Variants in SHROOM3 observed in about 807,000 individuals in gnomAD.
The protein encoded by SHROOM3 is protein Shroom3.
A neutral mutation model predicts 138.6 loss-of-function variants in SHROOM3; 47 were observed. The observed-to-expected ratio is 0.34, with a 90% CI of 0.27 to 0.43. SHROOM3 has a LOEUF of 0.43. SHROOM3 is among the 20% of genes least tolerant of loss of function. The pLI is 1.00. For missense variants in SHROOM3, 2,491 were observed against 2,596.5 expected, an observed-to-expected ratio of 0.96 and a Z score of 0.88; for synonymous variants, 1,062 against 1,063.3, an observed-to-expected ratio of 1.00 and a Z score of 0.02.
In SHROOM3 at chr4:76,457,524, G is replaced by T. The variant is rs538548533; in HGVS notation, c.168+21304G>T. Among the ~76,000 whole-genome samples the T allele has an allele frequency of 2.7e-5, 4 of 148,314 alleles. No homozygotes were observed. The Admixed American group carries it at 2.7e-4, about 10-fold the overall frequency. ...TTTTTTTTTTTTGAGATGGAGTCTC[G>T]CTCTGTCTCCAGGCTGGAGAGCAGT... On this transcript the variant is annotated intron_variant, in intron 1 of 10. Transcript: ENST00000296043.
chr4:76,583,211 A>G (rs972097539), intron 2 of SHROOM3, among the ~76,000 whole-genome samples: 1 of 152,152 alleles, frequency 6.6e-6, no homozygotes, highest in Non-Finnish European at 1.5e-5. Flanking sequence ...TCCAGTGTAA[A>G]GAACATCCTA....
intron 1 of SHROOM3, among the ~76,000 whole-genome samples, chr4:76,473,220 T>C (rs1463727237): frequency 6.6e-6 from 1 of 152,188 alleles, no homozygotes; most frequent in Non-Finnish European, 1.5e-5. Flanking sequence ...ATTGAGAAAG[T>C]AAAAATATAA....
rs577095421 is a variant in SHROOM3 at position 76,749,817 on chromosome 4, A to G, written c.3827+727A>G. On this transcript the variant is annotated intron_variant, in intron 6 of 10. Coordinates refer to ENST00000296043, the MANE Select transcript of SHROOM3 (RefSeq NM_020859.4). The stretch of plus-strand genomic sequence containing the variant: ...TTTTGAACTGTTCACATGGGACTTA[A>G]TAAGTAGAAATTTTCAGAAAGGGTA... 3.3e-5 allele frequency among the ~76,000 whole-genome samples: 5 copies of G among 152,362 alleles called. No homozygotes were observed. In the South Asian group the frequency reaches 1.0e-3, roughly 32 times the overall value.
chr4:76,520,044 T>C (rs767551540), intron 1 of SHROOM3, among the ~76,000 whole-genome samples: 3 of 152,190 alleles, frequency 2.0e-5, no homozygotes, highest in Non-Finnish European at 2.9e-5. Flanking sequence ...AGCTAATCCT[T>C]ACAACCCAAA....
At chr4:76,651,592 A>T (rs1318664806) in intron 2 of SHROOM3, among the ~76,000 whole-genome samples, 2 of 151,868 alleles carry the variant, frequency 1.3e-5, no homozygotes, top group Non-Finnish European at 2.9e-5. Flanking sequence ...TTGGATATCA[A>T]TGGCTAATGT....
intron 2 of SHROOM3, among the ~76,000 whole-genome samples, chr4:76,647,030 A>C (rs1735836981): frequency 1.3e-5 from 2 of 152,232 alleles, no homozygotes; most frequent in Admixed American, 6.5e-5. Context: ...TCAGCGGGCA[A>C]AAGGATAAAG....
chr4:76,569,138 A>T (rs1275075129), intron 2 of SHROOM3, among the ~76,000 whole-genome samples: 1 of 152,190 alleles, frequency 6.6e-6, no homozygotes, highest in East Asian at 1.9e-4. Flanking sequence ...AGTTTTCCAT[A>T]CTGTTAGCTG....
intron 1 of SHROOM3, among the ~76,000 whole-genome samples, chr4:76,541,040 A>G (rs1733086882): frequency 1.3e-5 from 2 of 152,174 alleles, no homozygotes; most frequent in African/African-American, 2.4e-5. Context: ...TTTATTTTCT[A>G]AAGACTCAGT....
intron 9 of SHROOM3, among the ~76,000 whole-genome samples, chr4:76,761,099 C>T (rs957335644): frequency 1.3e-5 from 2 of 151,898 alleles, no homozygotes; most frequent in Admixed American, 6.6e-5. Flanking sequence ...ATTGCATGAT[C>T]CTGAGGCTTG....
chr4:76,768,138 GA>G (rs1217047517), intron 9 of SHROOM3, among the ~76,000 whole-genome samples: 1 of 152,218 alleles, frequency 6.6e-6, no homozygotes. Flanking sequence ...TCACATAGAT[GA>G]CATTCTCTCT....
At chr4:76,603,906 G>T (rs777788573) in intron 2 of SHROOM3, among the ~76,000 whole-genome samples, 3 of 144,738 alleles carry the variant, frequency 2.1e-5, no homozygotes, top group Non-Finnish European at 4.5e-5. Context: ...GCAGTGGCGC[G>T]ATCTCAGCTC....
At chr4:76,596,158 AT>A (rs1734379370) in intron 2 of SHROOM3, among the ~76,000 whole-genome samples, 2 of 152,224 alleles carry the variant, frequency 1.3e-5, no homozygotes, top group Non-Finnish European at 2.9e-5. Flanking sequence ...ATAATGGAGC[AT>A]ACACAGAAGT....
At chr4:76,623,246 G>A (rs1232439389) in intron 2 of SHROOM3, among the ~76,000 whole-genome samples, 1 of 151,904 alleles carries the variant, frequency 6.6e-6, no homozygotes, top group African/African-American at 2.4e-5. Flanking sequence ...CAAGTCTGTG[G>A]GCAACAATGC....
Position 76,759,583 on chromosome 4 carries a change from G to T in SHROOM3, c.5237G>T (p.Cys1746Phe). The T allele has an allele frequency of 2.5e-6, 4 of 1,614,182 alleles. No homozygotes were observed. Among genetic ancestry groups the T allele is most frequent in the East Asian group, 2.2e-5 (1 of 44,886 alleles). ...GAAGCAGTGAGCATGTTGGTTAACT[G>T]CCCTGCCTACTACAGTGTGTCTGCT... ...DKEAVSMLVNCPAYYSVSAPK... is the reference protein window; with the variant it reads ...DKEAVSMLVNFPAYYSVSAPK... The change falls in exon 9 of 11, where the codon TGC becomes TTC. Residue 1746 changes from cysteine to phenylalanine, a missense_variant. Transcript: ENST00000296043.
At chr4:76,561,431 C>T (rs558024803) in intron 2 of SHROOM3, among the ~76,000 whole-genome samples, 2 of 152,096 alleles carry the variant, frequency 1.3e-5, no homozygotes, top group South Asian at 2.1e-4. Flanking sequence ...AGGTGGCTAG[C>T]GTGAGAATCT....
intron 2 of SHROOM3, among the ~76,000 whole-genome samples, chr4:76,656,563 C>CT (rs1736068644): frequency 6.6e-6 from 1 of 152,200 alleles, no homozygotes; most frequent in South Asian, 2.1e-4. Flanking sequence ...AAAAGCCCTT[C>CT]TTACTCGACT....
chr4:76,655,010 A>C (rs377303401), intron 2 of SHROOM3, among the ~76,000 whole-genome samples: 1 of 152,330 alleles, frequency 6.6e-6, no homozygotes, highest in South Asian at 2.1e-4. Flanking sequence ...GGTGAAAATG[A>C]ATCATTCAGA....
chr4:76,746,675 A>G (rs1379023764), intron 5 of SHROOM3, among the ~76,000 whole-genome samples: 1 of 152,104 alleles, frequency 6.6e-6, no homozygotes, highest in Non-Finnish European at 1.5e-5. Context: ...GAAATATTCT[A>G]AAGTAGGTGA....
Position 76,741,709 on chromosome 4 carries a change from G to A in SHROOM3, c.3536G>A (p.Arg1179His), listed in dbSNP as rs1436887456. Reference protein sequence around the residue: ...DRSSSFAGGRRLGERRRGDLL... With the variant: ...DRSSSFAGGRHLGERRRGDLL... ...AGCAGCTCCTTCGCCGGTGGCCGCC[G>A]CCTCGGGGAACGGCGACGCGGGGAC... Residue 1179 changes from arginine (R) to histidine (H), a missense_variant, in exon 5 of 11, where the codon CGC becomes CAC. Around this residue, in one of 4 missense-constraint regions of SHROOM3, gnomAD observed 1,733 missense variants for 1,661.6 expected, o/e 1.04. Coordinates refer to ENST00000296043, the MANE Select transcript of SHROOM3 (RefSeq NM_020859.4). The surrounding 1 kb of genome is among the most constrained non-coding windows in gnomAD (Gnocchi z 6.2). 3.2e-6 allele frequency: 5 copies of A among 1,553,588 alleles called. No individual in the cohort carries two copies. Among genetic ancestry groups the A allele is most frequent in the African/African-American group, 1.4e-5 (1 of 73,562 alleles).
Sources: allele counts gnomAD v4.1 joint callset (sites outside exome capture counted in the v4.1 genomes callset), GRCh38; gene constraint gnomAD v4.1.1; regional missense constraint gnomAD v4.1.1; non-coding constraint Gnocchi (gnomAD v3.1); transcripts MANE v1.5; gene names NCBI Gene and HGNC (gene_info 2026-07-23, HGNC 2026-07-21).